THRB: variants seen among roughly 807,000 people sequenced by gnomAD.
THRB encodes nuclear receptor subfamily 1 group A member 2.
Under a neutral mutation model 47.8 loss-of-function variants are expected in THRB, and 12 were observed. The observed-to-expected ratio is 0.25, with a 90% CI of 0.16 to 0.41. THRB has a LOEUF of 0.41. Ranked by LOEUF, THRB falls within the 10% of genes least tolerant of loss-of-function variation. The pLI, the probability that THRB is intolerant of heterozygous loss-of-function variation, is 1.00. For synonymous variants in THRB, 218 were observed against 212.2 expected (o/e 1.03, Z -0.24); for missense variants, 348 against 589.2 (o/e 0.59, Z 4.24).
intron 1 of THRB, chr3:24,430,702 G>A (rs2070301563): frequency 6.6e-6 from 1 of 152,006 alleles, no homozygotes; most frequent in Admixed American, 6.6e-5. Context: ...AACCATAAAA[G>A]AAGAAATTGA....
At chr3:24,274,715 T>G (rs1371900076) in intron 3 of THRB, among the ~76,000 whole-genome samples, 2 of 152,176 alleles carry the variant, frequency 1.3e-5, no homozygotes, top group Admixed American at 1.3e-4. Context: ...TTCATCTTAT[T>G]TGGTTCACTA....
chr3:24,346,803 G>T (rs1053898808), intron 1 of THRB, among the ~76,000 whole-genome samples: 2 of 151,958 alleles, frequency 1.3e-5, no homozygotes, highest in African/African-American at 2.4e-5. Context: ...ACTAGAAAAA[G>T]AGATAAGAAA....
chr3:24,476,871 CTCAT>C (rs770752904), intron 1 of THRB, among the ~76,000 whole-genome samples: 1 of 152,140 alleles, frequency 6.6e-6, no homozygotes, highest in Non-Finnish European at 1.5e-5. Flanking sequence ...ATTTGGACAT[CTCAT>C]TCAGGAATCT....
At chr3:24,316,055 T>C (rs1192917481) in intron 2 of THRB, among the ~76,000 whole-genome samples, 1 of 152,186 alleles carries the variant, frequency 6.6e-6, no homozygotes, top group Admixed American at 6.5e-5. Context: ...CAGCTATGAA[T>C]TGAAAATGCT....
At chr3:24,248,145 G>T (rs2050292458) in intron 3 of THRB, among the ~76,000 whole-genome samples, 1 of 152,034 alleles carries the variant, frequency 6.6e-6, no homozygotes, top group African/African-American at 2.4e-5. Context: ...ATTTGATTAG[G>T]ATATTATTCC....
At chr3:24,148,513 C>A (rs2036447942) in intron 6 of THRB, among the ~76,000 whole-genome samples, 1 of 151,996 alleles carries the variant, frequency 6.6e-6, no homozygotes, top group Admixed American at 6.6e-5. Flanking sequence ...CCGTCTGCCT[C>A]CGCCTCCCAA....
chr3:24,390,608 A>G (rs1337426159), intron 1 of THRB, among the ~76,000 whole-genome samples: 1 of 151,912 alleles, frequency 6.6e-6, no homozygotes, highest in Non-Finnish European at 1.5e-5. Context: ...ATGTCTCACA[A>G]GGAATCAGAT....
At chr3:24,204,475 A>G (rs2045031499) in intron 4 of THRB, among the ~76,000 whole-genome samples, 1 of 152,236 alleles carries the variant, frequency 6.6e-6, no homozygotes, top group African/African-American at 2.4e-5. Flanking sequence ...ACAAACAGAA[A>G]GGACATCCAC....
intron 3 of THRB, among the ~76,000 whole-genome samples, chr3:24,247,558 G>A (rs958206286): frequency 1.3e-5 from 2 of 152,170 alleles, no homozygotes; most frequent in African/African-American, 2.4e-5. Flanking sequence ...CACTAAACTT[G>A]ACTGCATCTT....
chr3:24,390,861 T>G (rs1366569487), intron 1 of THRB, among the ~76,000 whole-genome samples: 4 of 151,618 alleles, frequency 2.6e-5, no homozygotes, highest in Non-Finnish European at 5.9e-5. Context: ...GGTAGAATAT[T>G]GGCCCCAATT....
At chr3:24,318,919 G>A (rs1331130517) in intron 2 of THRB, among the ~76,000 whole-genome samples, 1 of 152,144 alleles carries the variant, frequency 6.6e-6, no homozygotes, top group Non-Finnish European at 1.5e-5. Flanking sequence ...AAAAGGGTTA[G>A]GAATTCCTCA....
At chr3:24,182,167 C>T (rs1453496963) in intron 5 of THRB, among the ~76,000 whole-genome samples, 1 of 152,074 alleles carries the variant, frequency 6.6e-6, no homozygotes, top group Non-Finnish European at 1.5e-5. Context: ...CGCCACTGCA[C>T]TCCAGCCTGG....
At chr3:24,249,875 C>T (rs958893328) in intron 3 of THRB, among the ~76,000 whole-genome samples, 1 of 152,102 alleles carries the variant, frequency 6.6e-6, no homozygotes, top group Non-Finnish European at 1.5e-5. Flanking sequence ...TAGGCCGGGG[C>T]AAAAGTAATT....
intron 1 of THRB, among the ~76,000 whole-genome samples, chr3:24,488,092 A>T (rs1697574673): frequency 6.6e-6 from 1 of 152,206 alleles, no homozygotes; most frequent in South Asian, 2.1e-4. Flanking sequence ...CCTCATCACA[A>T]ACATTCCTGA....
At chr3:24,415,664 A>G (rs1212611442) in intron 1 of THRB, among the ~76,000 whole-genome samples, 2 of 151,962 alleles carry the variant, frequency 1.3e-5, no homozygotes, top group African/African-American at 4.8e-5. Context: ...ACTATAAGGT[A>G]TTAAAGGACT....
chr3:24,252,443 T>C (rs115326708), intron 3 of THRB, among the ~76,000 whole-genome samples: 350 of 152,214 alleles, frequency 2.3e-3, no homozygotes, highest in Non-Finnish European at 4.2e-3. Flanking sequence ...AACTCATACC[T>C]TATGCCTGGT....
intron 3 of THRB, among the ~76,000 whole-genome samples, chr3:24,265,576 C>T (rs541393088): frequency 1.3e-5 from 2 of 152,174 alleles, no homozygotes; most frequent in Admixed American, 6.5e-5. Flanking sequence ...ATAATAATGT[C>T]CATTAAATTA....
chr3:24,152,591 A>G, intron 5 of THRB, 101 bp from the exon 6 acceptor site: 1 of 722,950 alleles, frequency 1.4e-6, no homozygotes, highest in Non-Finnish European at 2.5e-6. Flanking sequence ...TTGGCTTGCC[A>G]GGAAGAGGTA....
At chr3:24,332,822 C>T (rs1480808059) in intron 2 of THRB, among the ~76,000 whole-genome samples, 4 of 152,026 alleles carry the variant, frequency 2.6e-5, no homozygotes, top group Non-Finnish European at 4.4e-5. Context: ...TTTGGGAGGC[C>T]GAGGCGGGCG....
Sources: allele counts gnomAD v4.1 joint callset (sites outside exome capture counted in the v4.1 genomes callset), GRCh38; gene constraint gnomAD v4.1.1; transcripts MANE v1.5; gene names NCBI Gene and HGNC (gene_info 2026-07-23, HGNC 2026-07-21).